SUMF1: variants seen among roughly 807,000 people sequenced by gnomAD.
The protein encoded by SUMF1 is formylglycine-generating enzyme.
Under a neutral mutation model 47.6 loss-of-function variants are expected in SUMF1, and 48 were observed. The ratio of observed to expected loss-of-function variants is 1.01; its 90% CI spans 0.80 to 1.28. SUMF1 has a LOEUF of 1.28. Among genes scored for constraint, SUMF1 ranks in the 50% most tolerant of loss-of-function variants. The pLI, the probability that SUMF1 is intolerant of heterozygous loss-of-function variation, is 0.00. For missense variants in SUMF1, 571 were observed against 485.4 expected, an observed-to-expected ratio of 1.18 and a Z score of -1.66; for synonymous variants, 230 against 192.1, an observed-to-expected ratio of 1.20 and a Z score of -1.63.
chr3:4,447,705 A>G (rs1702827954), intron 3 of SUMF1, among the ~76,000 whole-genome samples: 1 of 152,182 alleles, frequency 6.6e-6, no homozygotes, highest in South Asian at 2.1e-4. Flanking sequence ...TTTCTAAATA[A>G]GCTTAAAAGG....
At chr3:4,248,160 G>C (rs1463158685) in intron 8 of SUMF1, among the ~76,000 whole-genome samples, 1 of 152,148 alleles carries the variant, frequency 6.6e-6, no homozygotes, top group Non-Finnish European at 1.5e-5. Context: ...GCCCAGTGAT[G>C]CTCTAGCCAT....
chr3:4,305,230 C>T (rs1358504200), intron 8 of SUMF1, among the ~76,000 whole-genome samples: 1 of 152,058 alleles, frequency 6.6e-6, no homozygotes, highest in Non-Finnish European at 1.5e-5. Flanking sequence ...GAATTACAGG[C>T]GCCTACAACC....
chr3:4,178,717 AG>A (rs1336105581), intron 8 of SUMF1, among the ~76,000 whole-genome samples: 1 of 152,174 alleles, frequency 6.6e-6, no homozygotes, highest in Non-Finnish European at 1.5e-5. Flanking sequence ...AAAGAAATAA[AG>A]GGTATTCAAT....
At chr3:4,441,969 C>A (rs576279201) in intron 3 of SUMF1, among the ~76,000 whole-genome samples, 2 of 152,294 alleles carry the variant, frequency 1.3e-5, no homozygotes, top group African/African-American at 4.8e-5. Flanking sequence ...CTCACCAAAC[C>A]CAGAACGCAA....
intron 8 of SUMF1, among the ~76,000 whole-genome samples, chr3:4,129,092 G>A (rs561255608): frequency 3.3e-5 from 5 of 152,070 alleles, no homozygotes; most frequent in African/African-American, 7.2e-5. Context: ...ATAAACCCTC[G>A]ACCAATGCCT....
intron 7 of SUMF1, among the ~76,000 whole-genome samples, chr3:4,402,814 A>G (rs1701256754): frequency 6.6e-6 from 1 of 152,226 alleles, no homozygotes; most frequent in Admixed American, 6.5e-5. Context: ...AAGATTCCAA[A>G]TTTTTAAAAT....
At chr3:4,151,968 G>C (rs1465925439) in intron 8 of SUMF1, among the ~76,000 whole-genome samples, 1 of 151,472 alleles carries the variant, frequency 6.6e-6, no homozygotes, top group East Asian at 1.9e-4. Context: ...CTGCTAATGG[G>C]AAACAATGAC....
rs1337532305 is a variant in SUMF1, at chr3:4,093,919, T to C, written c.1015-25174A>G. 2.6e-5 allele frequency among the ~76,000 whole-genome samples: 4 copies of C among 152,208 alleles called. No homozygotes were observed. In the East Asian group the frequency reaches 7.7e-4, roughly 29 times the overall value. On this transcript the variant is annotated intron_variant and NMD_transcript_variant, in intron 8 of 12. Transcript: ENST00000448413. ...TAAGAGAGGGGATAAATATTAAAAT[T>C]CTATATTAGGTAGATTAGGCAGGTA...
intron 3 of SUMF1, among the ~76,000 whole-genome samples, chr3:4,447,707 C>T (rs953518987): frequency 6.6e-6 from 1 of 152,172 alleles, no homozygotes; most frequent in Non-Finnish European, 1.5e-5. Context: ...TCTAAATAAG[C>T]TTAAAAGGTT....
intron 8 of SUMF1, among the ~76,000 whole-genome samples, chr3:4,111,441 C>T (rs901001238): frequency 2.6e-5 from 4 of 151,912 alleles, no homozygotes; most frequent in Admixed American, 6.6e-5. Context: ...ATTTCTCGGC[C>T]GGGCGCAGTG....
At chr3:4,195,561 A>G (rs1695409988) in intron 8 of SUMF1, among the ~76,000 whole-genome samples, 1 of 152,188 alleles carries the variant, frequency 6.6e-6, no homozygotes, top group African/African-American at 2.4e-5. Context: ...GAGAGCAGAA[A>G]GAATTTTTTA....
At chr3:4,157,468 C>T (rs1694480521) in intron 8 of SUMF1, among the ~76,000 whole-genome samples, 1 of 151,526 alleles carries the variant, frequency 6.6e-6, no homozygotes, top group African/African-American at 2.4e-5. Context: ...TTACTTCTTT[C>T]CCCAAAATAT....
At chr3:4,095,358 G>C (rs1692878744) in intron 8 of SUMF1, among the ~76,000 whole-genome samples, 1 of 152,082 alleles carries the variant, frequency 6.6e-6, no homozygotes, top group South Asian at 2.1e-4. Context: ...TAAAATGCCA[G>C]AAACCTCCAT....
intron 7 of SUMF1, 34 bp from the exon 8 acceptor site, chr3:4,376,423 G>C: frequency 6.2e-7 from 1 of 1,611,096 alleles, no homozygotes; most frequent in Non-Finnish European, 8.5e-7. Context: ...TGTTAGACCA[G>C]AAGGCAAAGC....
chr3:4,271,516 T>G (rs981582191), intron 8 of SUMF1, among the ~76,000 whole-genome samples: 1 of 72,100 alleles, frequency 1.4e-5, no homozygotes, highest in African/African-American at 4.2e-5. Context: ...GATAGATAGA[T>G]AGATACAGAG....
intron 8 of SUMF1, among the ~76,000 whole-genome samples, chr3:4,323,315 C>T (rs1217763236): frequency 1.3e-5 from 2 of 152,150 alleles, no homozygotes; most frequent in African/African-American, 2.4e-5. Flanking sequence ...ATTCTGTTTA[C>T]ATGAACTATC....
intron 8 of SUMF1, among the ~76,000 whole-genome samples, chr3:4,298,046 A>T (rs1194229895): frequency 2.0e-5 from 3 of 152,128 alleles, no homozygotes; most frequent in Non-Finnish European, 4.4e-5. Flanking sequence ...TTTTCTTTTT[A>T]TTTTTTTATT....
At chr3:4,193,601 T>C (rs745311138) in intron 8 of SUMF1, among the ~76,000 whole-genome samples, 1 of 152,048 alleles carries the variant, frequency 6.6e-6, no homozygotes, top group East Asian at 1.9e-4. Flanking sequence ...ATAAAATAAA[T>C]AAACAGCTAT....
chr3:4,456,636 G>C (rs371325177), intron 1 of SUMF1, among the ~76,000 whole-genome samples: 1 of 120,872 alleles, frequency 8.3e-6, no homozygotes, highest in African/African-American at 3.0e-5. Flanking sequence ...ATATATATAC[G>C]TGTATATATA....
Sources: allele counts gnomAD v4.1 joint callset (sites outside exome capture counted in the v4.1 genomes callset), GRCh38; gene constraint gnomAD v4.1.1; transcripts MANE v1.5; gene names NCBI Gene and HGNC (gene_info 2026-07-23, HGNC 2026-07-21).